SLC4A4: variants seen among roughly 807,000 people sequenced by gnomAD.
SLC4A4 encodes the protein electrogenic sodium bicarbonate cotransporter 1.
A neutral mutation model predicts 111.5 loss-of-function variants in SLC4A4; 27 were observed. The observed-to-expected ratio is 0.24, with a 90% CI of 0.18 to 0.33. The LOEUF is 0.33. Among genes scored for constraint, SLC4A4 ranks in the 10% least tolerant of loss-of-function variants. SLC4A4 has a pLI of 1.00. For synonymous variants in SLC4A4, 443 were observed against 463.4 expected (o/e 0.96, Z 0.57); for missense variants, 909 against 1,315.5 (o/e 0.69, Z 4.78).
intron 8 of SLC4A4, among the ~76,000 whole-genome samples, chr4:71,440,992 G>C (rs1475181883): frequency 6.6e-6 from 1 of 152,064 alleles, no homozygotes; most frequent in Non-Finnish European, 1.5e-5. Flanking sequence ...AGTGTACTAG[G>C]TTCTTCTTTT....
At chr4:71,167,092 C>A (rs1578543723) in intron 2 of SLC4A4, among the ~76,000 whole-genome samples, 2 of 152,128 alleles carry the variant, frequency 1.3e-5, no homozygotes, top group Non-Finnish European at 2.9e-5. Flanking sequence ...GGTTAGGATT[C>A]CAGCTGAAGA....
intron 16 of SLC4A4, among the ~76,000 whole-genome samples, chr4:71,518,497 C>A (rs1219215924): frequency 6.6e-6 from 1 of 151,894 alleles, no homozygotes; most frequent in African/African-American, 2.4e-5. Flanking sequence ...TCTGGGCTGA[C>A]CTCACTCTAC....
chr4:71,105,391 T>A (rs996160839), intron 2 of SLC4A4, among the ~76,000 whole-genome samples: 28 of 150,240 alleles, frequency 1.9e-4, no homozygotes, highest in African/African-American at 3.7e-4. Flanking sequence ...AAGCTACCAA[T>A]GACTTTCTTC....
At chr4:71,521,053 T>A (rs577832409) in intron 16 of SLC4A4, among the ~76,000 whole-genome samples, 3 of 152,204 alleles carry the variant, frequency 2.0e-5, no homozygotes, top group South Asian at 2.1e-4. Context: ...ATTTGGTGTA[T>A]GAGTCAGGAT....
In SLC4A4 at chr4:71,266,573, C is replaced by T. The variant is rs118155601; in HGVS notation, c.253+11174C>T. The stretch of plus-strand genomic sequence containing the variant: ...AAGTAGGGACTTTTACTCTTTTCTC[C>T]ATGGTTCCCCGAGAGGAAATAAGCT... On this transcript the variant is annotated intron_variant, in intron 3 of 25. Coordinates refer to ENST00000264485, the MANE Select transcript of SLC4A4 (RefSeq NM_001098484.3). Among the ~76,000 whole-genome samples, 74 of 152,286 alleles carry T rather than the reference C, an allele frequency of 4.9e-4. 1 individual carries two copies. The East Asian group carries it at 0.012, about 25-fold the overall frequency.
chr4:71,552,044 C>G (rs1295961041), intron 20 of SLC4A4, among the ~76,000 whole-genome samples: 3 of 151,810 alleles, frequency 2.0e-5, no homozygotes, highest in African/African-American at 7.3e-5. Flanking sequence ...CCACTGAGGA[C>G]CAAGGAGAGT....
chr4:71,126,896 G>T (rs537687118), intron 2 of SLC4A4, among the ~76,000 whole-genome samples: 13 of 152,236 alleles, frequency 8.5e-5, no homozygotes, highest in African/African-American at 2.9e-4. Flanking sequence ...GATGACCTTT[G>T]GTTCTGCACC....
intron 1 of SLC4A4, among the ~76,000 whole-genome samples, chr4:71,091,468 T>C (rs1398069066): frequency 6.6e-6 from 1 of 151,454 alleles, no homozygotes; most frequent in Non-Finnish European, 1.5e-5. Context: ...TTAGCCATGG[T>C]GGTCTCGATC....
intron 1 of SLC4A4, among the ~76,000 whole-genome samples, chr4:71,067,583 A>T (rs1388357248): frequency 6.6e-6 from 1 of 152,126 alleles, no homozygotes; most frequent in African/African-American, 2.4e-5. Flanking sequence ...TTGCATTTGT[A>T]CTATCTGCCA....
chr4:71,129,279 G>A (rs1743636197), intron 2 of SLC4A4, among the ~76,000 whole-genome samples: 1 of 151,880 alleles, frequency 6.6e-6, no homozygotes, highest in Non-Finnish European at 1.5e-5. Flanking sequence ...CAAAAAACAA[G>A]AGACCTCATT....
intron 1 of SLC4A4, among the ~76,000 whole-genome samples, chr4:71,085,285 A>T (rs1174301464): frequency 1.3e-5 from 2 of 151,750 alleles, no homozygotes; most frequent in Non-Finnish European, 2.9e-5. Context: ...GTTTGAGTTC[A>T]TTGTAGATTC....
intron 7 of SLC4A4, 140 bp downstream of exon 7, chr4:71,397,793 A>G: frequency 1.3e-6 from 1 of 758,542 alleles, no homozygotes; most frequent in Admixed American, 2.0e-5. Flanking sequence ...CCTGGGCAGA[A>G]GGAGAAGCAG....
chr4:71,564,587 T>C (rs1020070317), intron 24 of SLC4A4, among the ~76,000 whole-genome samples: 3 of 151,878 alleles, frequency 2.0e-5, no homozygotes, highest in Non-Finnish European at 4.4e-5. Context: ...TTTCAGACTT[T>C]CCCAATAGCA....
intron 3 of SLC4A4, chr4:71,300,283 C>T (rs1177776058): frequency 1.4e-5 from 3 of 211,996 alleles, no homozygotes; most frequent in Non-Finnish European, 3.0e-5. Context: ...CACGGGCACA[C>T]GGCCAGGCTA....
At chr4:71,247,982 T>C (rs1471275328) in intron 2 of SLC4A4, among the ~76,000 whole-genome samples, 1 of 152,116 alleles carries the variant, frequency 6.6e-6, no homozygotes, top group East Asian at 1.9e-4. Flanking sequence ...GGGGGAAACT[T>C]TGCCCAAATC....
chr4:71,450,947 A>G (rs1014732397), intron 10 of SLC4A4, among the ~76,000 whole-genome samples: 1 of 152,198 alleles, frequency 6.6e-6, no homozygotes, highest in African/African-American at 2.4e-5. Flanking sequence ...ATTTTTTCCC[A>G]GTTGAAGCAG....
rs534484861 is a variant in SLC4A4 at position 71,550,295 on chromosome 4, G to A, written c.2694+2575G>A. Among the ~76,000 whole-genome samples the A allele has an allele frequency of 4.6e-5, 7 of 151,974 alleles. No individual in the cohort carries two copies. In the South Asian group the frequency reaches 6.2e-4, roughly 14 times the overall value. On this transcript the variant is annotated intron_variant, in intron 20 of 25. Coordinates refer to ENST00000264485, the MANE Select transcript of SLC4A4 (RefSeq NM_001098484.3). ...AGTAAGTTAGGCTATTCCTTACTTC[G>A]GGAATCACAACTCCTGATAAAGTCA...
intron 4 of SLC4A4, among the ~76,000 whole-genome samples, chr4:71,345,255 G>C (rs570209700): frequency 1.3e-5 from 2 of 152,122 alleles, no homozygotes; most frequent in Non-Finnish European, 2.9e-5. Flanking sequence ...ACTGGTAAAA[G>C]AATAATTCAT....
At chr4:71,450,328 A>G in intron 9 of SLC4A4, 61 bp from the exon 10 acceptor site, 3 of 1,149,336 alleles carry the variant, frequency 2.6e-6, no homozygotes, top group South Asian at 1.2e-5. Context: ...CAGGCTTGAT[A>G]TGGTGTGAAG....
Sources: allele counts gnomAD v4.1 joint callset (sites outside exome capture counted in the v4.1 genomes callset), GRCh38; gene constraint gnomAD v4.1.1; transcripts MANE v1.5; gene names NCBI Gene and HGNC (gene_info 2026-07-23, HGNC 2026-07-21).